The following ITPKC variants were observed in gnomAD, a reference collection of about 807,000 sequenced individuals.
ITPKC encodes inositol-trisphosphate 3-kinase C, also known as IP3 3-kinase C.
A neutral mutation model predicts 67.1 loss-of-function variants in ITPKC; 33 were observed. The ratio of observed to expected loss-of-function variants is 0.49; its 90% CI spans 0.37 to 0.66. The LOEUF (loss-of-function observed/expected upper bound fraction) is 0.66, where lower values mean the gene tolerates loss of function less well. Among genes scored for constraint, ITPKC ranks in the 30% least tolerant of loss-of-function variants. The pLI is 0.00. For synonymous variants in ITPKC, 341 were observed against 359.8 expected, an observed-to-expected ratio of 0.95 and a Z score of 0.59; for missense variants, 820 against 892.1, an observed-to-expected ratio of 0.92 and a Z score of 1.03.
intron 1 of ITPKC, among the ~76,000 whole-genome samples, chr19:40,723,500 G>T (rs199591556): frequency 6.8e-6 from 1 of 147,536 alleles, no homozygotes; most frequent in Non-Finnish European, 1.5e-5. Context: ...TATTTGTTTT[G>T]TTTTTTTTTT....
chr19:40,722,953 T>TTTA lies in ITPKC; in HGVS notation c.1156-2385_1156-2384insATT, dbSNP rs1568448264. On this transcript the variant is annotated intron_variant, in intron 1 of 6. Transcript: ENST00000263370. ...CACCACGCCTAGCTGATTCTTAATT[T>TTTA]TTTATTTATTTATTTATTTATTTTT... Among the ~76,000 whole-genome samples, 4 of 151,268 alleles carry TTTA rather than the reference T, an allele frequency of 2.6e-5. No homozygotes were observed. The East Asian group carries it at 5.9e-4, about 22-fold the overall frequency.
intron 3 of ITPKC, among the ~76,000 whole-genome samples, chr19:40,732,335 C>T (rs1383291399): frequency 6.6e-6 from 1 of 150,826 alleles, no homozygotes; most frequent in African/African-American, 2.4e-5. Flanking sequence ...TCGAGACCAG[C>T]CTGGCCAACA....
At chr19:40,730,790 G>A (rs112072901) in intron 3 of ITPKC, among the ~76,000 whole-genome samples, 3 of 152,154 alleles carry the variant, frequency 2.0e-5, no homozygotes, top group African/African-American at 4.8e-5. Flanking sequence ...ATGCTTTTCC[G>A]TTCTCACACC....
At position 40,722,059 on chromosome 19, in the gene ITPKC, C is replaced by G. The variant is rs546342093; in HGVS notation, c.1156-3281C>G. On this transcript the variant is annotated intron_variant, in intron 1 of 6. Transcript: ENST00000263370. ...AACTAACATTCTTCAGTCCAAGCAT[C>G]AAAGAATGTTTCTGGAGCGTCTGTC... 1.8e-4 allele frequency among the ~76,000 whole-genome samples: 28 copies of G among 152,014 alleles called. No individual in the cohort carries two copies. In the East Asian group the frequency reaches 5.2e-3, roughly 28 times the overall value.
intron 1 of ITPKC, among the ~76,000 whole-genome samples, chr19:40,724,204 C>T (rs938723572): frequency 9.2e-5 from 14 of 152,054 alleles, no homozygotes; most frequent in African/African-American, 3.1e-4. Flanking sequence ...GCCAGGAGTT[C>T]AAGACCAGCC....
chr19:40,717,328 T>C lies in ITPKC; in HGVS notation c.193T>C (p.Ser65Pro), dbSNP rs759679999. The C allele has an allele frequency of 8.1e-6, 13 of 1,595,316 alleles. No homozygotes were observed. The highest frequency in any genetic ancestry group is 1.1e-5 in the Non-Finnish European group (13 of 1,173,564). ...CGGGCCCTGGGCCCGGACAGAGGGG[T>C]CCAGCCTCCACAGCGAGCCTGAGAG... is the stretch of plus-strand genomic sequence containing the variant. ...GGGPWARTEG[S>P]SLHSEPERAG... is the part of the protein sequence containing the mutation. The change falls in exon 1 of 7, where the codon TCC becomes CCC. Residue 65 changes from serine (S) to proline (P), a missense_variant. Around this residue, in one of 2 missense-constraint regions of ITPKC, gnomAD observed 481 missense variants for 470.1 expected, o/e 1.02. Transcript: ENST00000263370.
intron 1 of ITPKC, among the ~76,000 whole-genome samples, chr19:40,723,252 C>T (rs1773610529): frequency 6.6e-6 from 1 of 152,198 alleles, no homozygotes; most frequent in East Asian, 1.9e-4. Flanking sequence ...TGAGCCACTG[C>T]GCCCGGCCTA....
chr19:40,720,506 C>A (rs1003100263), intron 1 of ITPKC, among the ~76,000 whole-genome samples: 1 of 152,218 alleles, frequency 6.6e-6, no homozygotes, highest in Non-Finnish European at 1.5e-5. Context: ...ATCGTTTAAA[C>A]CCTCCAGTGT....
intron 4 of ITPKC, among the ~76,000 whole-genome samples, chr19:40,733,598 A>G (rs1024703934): frequency 6.6e-6 from 1 of 152,050 alleles, no homozygotes; most frequent in Non-Finnish European, 1.5e-5. Flanking sequence ...CTCCATGGTC[A>G]TGTCCTAGTC....
chr19:40,720,277 G>A (rs570813621), intron 1 of ITPKC, among the ~76,000 whole-genome samples: 56 of 151,632 alleles, frequency 3.7e-4, no homozygotes, highest in Non-Finnish European at 6.3e-4. Context: ...TGAGGCAGGA[G>A]AATCGCTTGA....
chr19:40,717,990 C>T lies in ITPKC; in HGVS notation c.855C>T (p.Ser285=), dbSNP rs759360317. 5.0e-6 allele frequency: 8 copies of T among 1,614,078 alleles called. No homozygotes were observed. Among genetic ancestry groups the T allele is most frequent in the African/African-American group, 2.7e-5 (2 of 74,930 alleles). ...GGACACAACCTAGCACTGACGGTTC[C>T]CAGACAGCACCTGGGACAGACTGCC... is the stretch of plus-strand genomic sequence containing the variant. ...GSWTQPSTDG[S]QTAPGTDCLL... The change falls in exon 1 of 7, where the codon TCC becomes TCT. Residue 285 remains serine, a synonymous_variant. Transcript: ENST00000263370.
intron 3 of ITPKC, among the ~76,000 whole-genome samples, chr19:40,730,273 G>T (rs2144745965): frequency 6.6e-6 from 1 of 152,152 alleles, no homozygotes; most frequent in South Asian, 2.1e-4. Flanking sequence ...CTCCAGCTGG[G>T]TTCAGTGGCT....
At chr19:40,725,911 C>T (rs1323484419) in intron 2 of ITPKC, among the ~76,000 whole-genome samples, 1 of 151,844 alleles carries the variant, frequency 6.6e-6, no homozygotes, top group African/African-American at 2.4e-5. Flanking sequence ...TAAGACCAAC[C>T]TAGGCAATAT....
At position 40,717,294 on chromosome 19, in the gene ITPKC, G is replaced by GGAGGGGGGCGGGCCCTGGGCCCGGACA; in HGVS notation, c.166_192dup (p.Gly56_Gly64dup). On this transcript the variant is annotated inframe_insertion, in exon 1 of 7. Transcript: ENST00000263370. ...GCGCAGGGGCCCCGGCGGGGCGGCC[G>GGAGGGGGGCGGGCCCTGGGCCCGGACA]GAGGGGGGCGGGCCCTGGGCCCGGA... The GGAGGGGGGCGGGCCCTGGGCCCGGACA allele has an allele frequency of 6.7e-7, 1 of 1,487,192 alleles. No homozygotes were observed. The highest frequency in any genetic ancestry group is 8.9e-7 in the Non-Finnish European group (1 of 1,122,934). 92.1% of individuals were successfully genotyped at this position (1,487,192 alleles called of 1,614,324 possible).
intron 1 of ITPKC, among the ~76,000 whole-genome samples, chr19:40,722,737 C>T (rs916933559): frequency 8.5e-5 from 13 of 152,152 alleles, no homozygotes; most frequent in African/African-American, 2.9e-4. Flanking sequence ...CATGATACAA[C>T]GAAAACCCTG....
intron 3 of ITPKC, among the ~76,000 whole-genome samples, chr19:40,731,023 T>C (rs921202161): frequency 2.6e-5 from 4 of 152,234 alleles, no homozygotes; most frequent in Non-Finnish European, 1.5e-5. Flanking sequence ...AACTTCTGAC[T>C]GATTGGCTCC....
intron 4 of ITPKC, among the ~76,000 whole-genome samples, chr19:40,736,478 C>CA (rs2082294759): frequency 6.6e-6 from 1 of 151,870 alleles, no homozygotes; most frequent in African/African-American, 2.4e-5. Context: ...CCTCTGGCAG[C>CA]AAGTGTGCAG....
intron 6 of ITPKC, 39 bp downstream of exon 6, chr19:40,737,808 C>A (rs374826896): frequency 1.3e-6 from 2 of 1,543,328 alleles, no homozygotes; most frequent in Admixed American, 1.7e-5. Flanking sequence ...GTATGGGTGT[C>A]GGGGTCCAGG....
At chr19:40,720,948 T>C (rs751284972) in intron 1 of ITPKC, among the ~76,000 whole-genome samples, 1 of 152,088 alleles carries the variant, frequency 6.6e-6, no homozygotes, top group Non-Finnish European at 1.5e-5. Flanking sequence ...TTTCTTTTTC[T>C]TTTTTTGGTA....
Sources: allele counts gnomAD v4.1 joint callset (sites outside exome capture counted in the v4.1 genomes callset), GRCh38; gene constraint gnomAD v4.1.1; regional missense constraint gnomAD v4.1.1; transcripts MANE v1.5; gene names NCBI Gene and HGNC (gene_info 2026-07-23, HGNC 2026-07-21).